Variants in RFX3 observed in about 807,000 individuals in gnomAD.
RFX3 encodes the protein regulatory factor X3.
A neutral mutation model predicts 98.6 loss-of-function variants in RFX3; 14 were observed. The ratio of observed to expected loss-of-function variants is 0.14; its 90% confidence interval spans 0.09 to 0.22. The LOEUF is 0.22. RFX3 is among the 10% of genes least tolerant of loss of function. The probability of loss-of-function intolerance (pLI) is 1.00; values close to 1 mark genes in which losing one functional copy is unlikely to be tolerated. For synonymous variants in RFX3, 383 were observed against 328.4 expected, an observed-to-expected ratio of 1.17 and a Z score of -1.80; for missense variants, 639 against 926.9, an observed-to-expected ratio of 0.69 and a Z score of 4.03.
chr9:3,408,324 C>G (rs1842143383), intron 1 of RFX3, among the ~76,000 whole-genome samples: 1 of 152,062 alleles, frequency 6.6e-6, no homozygotes. Flanking sequence ...CATAGCAATC[C>G]CATAGGTAAC....
intron 1 of RFX3, among the ~76,000 whole-genome samples, chr9:3,468,650 GA>G (rs925009773): frequency 3.3e-5 from 5 of 151,980 alleles, no homozygotes; most frequent in African/African-American, 9.7e-5. Context: ...TTTGATGACA[GA>G]AAAGGCAATG....
At chr9:3,465,351 C>T (rs927959719) in intron 1 of RFX3, among the ~76,000 whole-genome samples, 1 of 151,972 alleles carries the variant, frequency 6.6e-6, no homozygotes, top group African/African-American at 2.4e-5. Context: ...AATGCAGTAG[C>T]ATGATCTCAG....
intron 7 of RFX3, among the ~76,000 whole-genome samples, chr9:3,279,740 T>C (rs1217763724): frequency 1.3e-5 from 2 of 151,972 alleles, no homozygotes; most frequent in South Asian, 2.1e-4. Context: ...CTTAGGAAGA[T>C]GGAGACAGCT....
At chr9:3,383,413 C>T (rs1025781257) in intron 2 of RFX3, among the ~76,000 whole-genome samples, 1 of 151,960 alleles carries the variant, frequency 6.6e-6, no homozygotes, top group Non-Finnish European at 1.5e-5. Flanking sequence ...ATGGGGTTGC[C>T]ATGTTTAGTA....
intron 2 of RFX3, among the ~76,000 whole-genome samples, chr9:3,391,470 T>C (rs1840304064): frequency 6.6e-6 from 1 of 151,886 alleles, no homozygotes; most frequent in Non-Finnish European, 1.5e-5. Flanking sequence ...AGAAAATGAG[T>C]GTTCTCACCT....
intron 3 of RFX3, among the ~76,000 whole-genome samples, chr9:3,341,579 C>T (rs920387586): frequency 1.3e-5 from 2 of 152,098 alleles, no homozygotes; most frequent in Non-Finnish European, 2.9e-5. Flanking sequence ...TTAAAGCCAC[C>T]AAGTAGTCGG....
At position 3,221,759 on chromosome 9, in the gene RFX3, A is replaced by G. The variant is rs1354102588; in HGVS notation, c.*3283T>C. 1 of 152,160 alleles carries G rather than the reference A, an allele frequency of 6.6e-6. No individual in the cohort carries two copies. The highest frequency in any genetic ancestry group is 1.5e-5 in the Non-Finnish European group (1 of 67,992). The allele number at this position is 152,160 out of a possible 1,614,324, so 9.4% of individuals were successfully genotyped here. Reference sequence around the variant, plus strand: ...CAAATCTTTTGAGTATGATTTTCAAACTATATGTCAAGATCAAACTATACC... The same window carrying G: ...CAAATCTTTTGAGTATGATTTTCAAGCTATATGTCAAGATCAAACTATACC... On this transcript the variant is annotated 3_prime_UTR_variant, in exon 17 of 17. Transcript: ENST00000617270.
intron 9 of RFX3, among the ~76,000 whole-genome samples, chr9:3,274,888 A>G (rs1036840261): frequency 6.6e-6 from 1 of 152,052 alleles, no homozygotes; most frequent in Non-Finnish European, 1.5e-5. Context: ...ATGGATATAT[A>G]TATGAAGGAA....
intron 12 of RFX3, 94 bp downstream of exon 12, chr9:3,266,114 T>A: frequency 1.5e-6 from 1 of 655,898 alleles, no homozygotes; most frequent in Non-Finnish European, 2.5e-6. Context: ...AACCTCAACA[T>A]TTTACATAAT....
At chr9:3,494,484 T>C (rs1378718721) in intron 1 of RFX3, among the ~76,000 whole-genome samples, 1 of 152,194 alleles carries the variant, frequency 6.6e-6, no homozygotes, top group Non-Finnish European at 1.5e-5. Context: ...GAATGGCTAC[T>C]TTTCAAGCTA....
At chr9:3,253,711 T>C (rs1003798404) in intron 14 of RFX3, among the ~76,000 whole-genome samples, 1 of 152,132 alleles carries the variant, frequency 6.6e-6, no homozygotes, top group Non-Finnish European at 1.5e-5. Flanking sequence ...TGTAAATATA[T>C]ACAAAAAATT....
intron 1 of RFX3, among the ~76,000 whole-genome samples, chr9:3,416,867 A>C (rs965102182): frequency 6.6e-6 from 1 of 152,138 alleles, no homozygotes; most frequent in Non-Finnish European, 1.5e-5. Context: ...ATGGCAACAC[A>C]GTAGATTTAA....
At chr9:3,402,483 C>T (rs1276421380) in intron 1 of RFX3, among the ~76,000 whole-genome samples, 1 of 151,946 alleles carries the variant, frequency 6.6e-6, no homozygotes, top group Non-Finnish European at 1.5e-5. Context: ...TAAACGACAT[C>T]TAAAATGTGA....
intron 6 of RFX3, 77 bp from the exon 7 acceptor site, chr9:3,288,327 T>G: frequency 3.6e-6 from 5 of 1,378,164 alleles, no homozygotes; most frequent in Non-Finnish European, 5.1e-6. Flanking sequence ...TCCATTAAAC[T>G]TCACACTTGG....
chr9:3,446,336 T>G (rs946169821), intron 1 of RFX3, among the ~76,000 whole-genome samples: 2 of 152,132 alleles, frequency 1.3e-5, no homozygotes, highest in Non-Finnish European at 2.9e-5. Context: ...TATTACTATC[T>G]GTCCTACTTG....
At chr9:3,316,442 A>G (rs535027845) in intron 4 of RFX3, among the ~76,000 whole-genome samples, 1 of 152,306 alleles carries the variant, frequency 6.6e-6, no homozygotes, top group African/African-American at 2.4e-5. Context: ...AAAAACTGGA[A>G]TCATTCCCTT....
intron 14 of RFX3, among the ~76,000 whole-genome samples, chr9:3,252,982 A>G (rs1436364795): frequency 4.6e-5 from 7 of 152,220 alleles, no homozygotes; most frequent in Non-Finnish European, 8.8e-5. Context: ...TAAATGACAC[A>G]ATTAACAGTT....
chr9:3,372,988 A>G (rs1838032836), intron 2 of RFX3, among the ~76,000 whole-genome samples: 1 of 152,186 alleles, frequency 6.6e-6, no homozygotes, highest in Non-Finnish European at 1.5e-5. Context: ...ACTATCTTCC[A>G]TCTTTCATTG....
chr9:3,301,921 T>C (rs895155972), intron 4 of RFX3, among the ~76,000 whole-genome samples: 1 of 151,890 alleles, frequency 6.6e-6, no homozygotes, highest in Non-Finnish European at 1.5e-5. Flanking sequence ...TGAATAAACA[T>C]TCTTGACTTT....
Sources: allele counts gnomAD v4.1 joint callset (sites outside exome capture counted in the v4.1 genomes callset), GRCh38; gene constraint gnomAD v4.1.1; transcripts MANE v1.5; gene names NCBI Gene and HGNC (gene_info 2026-07-23, HGNC 2026-07-21).